TLE3: variants seen among roughly 807,000 people sequenced by gnomAD.
The protein encoded by TLE3 is transducin-like enhancer protein 3.
TLE3 carries 14 observed loss-of-function variants against 93.0 expected under a neutral mutation model. The ratio of observed to expected loss-of-function variants is 0.15; its 90% CI spans 0.10 to 0.24. TLE3 has a LOEUF of 0.24. Among genes scored for constraint, TLE3 ranks in the 10% least tolerant of loss-of-function variants. The pLI is 1.00. For synonymous variants in TLE3, 451 were observed against 425.0 expected (o/e 1.06, Z -0.75); for missense variants, 693 against 1,046.6 (o/e 0.66, Z 4.66).
intron 4 of TLE3, among the ~76,000 whole-genome samples, chr15:70,079,203 A>G (rs1191901269): frequency 2.0e-5 from 3 of 151,822 alleles, no homozygotes; most frequent in Non-Finnish European, 4.4e-5. Flanking sequence ...AACAAGCATC[A>G]ACTGAGGGCT....
chr15:70,051,528 T>C (rs2055541724), intron 18 of TLE3, 61 bp from the exon 19 acceptor site: 1 of 1,458,446 alleles, frequency 6.9e-7, no homozygotes, highest in Non-Finnish European at 9.4e-7. Flanking sequence ...AAGCAAGACC[T>C]GCCCTAGACA....
intron 16 of TLE3, chr15:70,054,170 A>G (rs1383793489): frequency 2.5e-6 from 1 of 396,658 alleles, no homozygotes; most frequent in Non-Finnish European, 4.5e-6. Context: ...TGCTTGCTCC[A>G]CTAATCTGAC....
chr15:70,054,291 T>C (rs2055825116), intron 16 of TLE3, 147 bp downstream of exon 16: 8 of 1,189,586 alleles, frequency 6.7e-6, no homozygotes, highest in Non-Finnish European at 9.3e-6. Context: ...GGCGGAGCTG[T>C]CTTTTCACCT....
At chr15:70,091,079 A>C (rs778134356) in intron 4 of TLE3, among the ~76,000 whole-genome samples, 3 of 152,270 alleles carry the variant, frequency 2.0e-5, no homozygotes, top group Non-Finnish European at 4.4e-5. Context: ...GACTGAGTAC[A>C]TAAGCTTCCC....
intron 18 of TLE3, 106 bp downstream of exon 18, chr15:70,052,268 G>A (rs1328636346): frequency 4.8e-6 from 7 of 1,445,280 alleles, no homozygotes; most frequent in Non-Finnish European, 6.5e-6. Context: ...TGGTTCCAGG[G>A]CCTAGCTTAT....
At chr15:70,082,955 C>A (rs935574981) in intron 4 of TLE3, among the ~76,000 whole-genome samples, 4 of 151,690 alleles carry the variant, frequency 2.6e-5, no homozygotes, top group African/African-American at 7.3e-5. Context: ...CAGGGGTCTA[C>A]AGTGTAAGGG....
chr15:70,062,215 A>G (rs1205374877), intron 8 of TLE3, among the ~76,000 whole-genome samples: 4 of 152,256 alleles, frequency 2.6e-5, no homozygotes, highest in Non-Finnish European at 5.9e-5. Flanking sequence ...ACAGCCGTGC[A>G]GGAGCGGTGG....
At chr15:70,069,861 C>T (rs549201811) in intron 6 of TLE3, among the ~76,000 whole-genome samples, 76 of 152,390 alleles carry the variant, frequency 5.0e-4, no homozygotes, top group Non-Finnish European at 8.7e-4. Flanking sequence ...TGCAGGCAGG[C>T]GGGCACAGCT....
At chr15:70,063,228 T>G (rs1000427374) in intron 8 of TLE3, among the ~76,000 whole-genome samples, 2 of 152,176 alleles carry the variant, frequency 1.3e-5, no homozygotes, top group African/African-American at 4.8e-5. Context: ...CTCATAAAGC[T>G]GGGACCAGAC....
intron 4 of TLE3, among the ~76,000 whole-genome samples, chr15:70,081,774 C>A (rs76194099): frequency 1.3e-5 from 2 of 152,082 alleles, no homozygotes; most frequent in Non-Finnish European, 2.9e-5. Flanking sequence ...GACCAGTTTG[C>A]GGATGTGTGT....
chr15:70,076,591 A>G (rs1419796133), intron 4 of TLE3, among the ~76,000 whole-genome samples: 4 of 152,308 alleles, frequency 2.6e-5, no homozygotes, highest in African/African-American at 9.6e-5. Flanking sequence ...GCTCTCAGAT[A>G]AATGGGACTA....
intron 8 of TLE3, among the ~76,000 whole-genome samples, chr15:70,061,941 G>A (rs2056504262): frequency 6.6e-6 from 1 of 152,206 alleles, no homozygotes; most frequent in Non-Finnish European, 1.5e-5. Flanking sequence ...GAAGGCAAGT[G>A]GAATGAGGCT....
In TLE3 at chr15:70,048,888, C is replaced by G. The variant is rs1297096338; in HGVS notation, c.*1209G>C. 6.6e-6 allele frequency: 1 copy of G among 152,082 alleles called. No homozygotes were observed. Among genetic ancestry groups the G allele is most frequent in the Non-Finnish European group, 1.5e-5 (1 of 68,042 alleles). The allele number at this position is 152,082 out of a possible 1,614,324, so 9.4% of individuals were successfully genotyped here. A position where few individuals can be genotyped will look rare whatever the true frequency, so the allele number is the denominator to read the frequency against. On this transcript the variant is annotated 3_prime_UTR_variant, in exon 20 of 20. Coordinates refer to ENST00000451782, the MANE Select transcript of TLE3 (RefSeq NM_001105192.3). ...GGGGATCCTCTTTTCAGACTCACAA[C>G]CCTGTAGGTTTATACACTTTCCCCC...
intron 19 of TLE3, chr15:70,050,719 G>A (rs2055442437): frequency 6.4e-6 from 1 of 156,478 alleles, no homozygotes; most frequent in Non-Finnish European, 1.4e-5. Flanking sequence ...AAAGCGGCAT[G>A]TTGGCTGAGG....
intron 19 of TLE3, 55 bp from the exon 20 acceptor site, chr15:70,050,259 A>G (rs1420729252): frequency 3.7e-6 from 5 of 1,364,132 alleles, no homozygotes; most frequent in Non-Finnish European, 5.2e-6. Context: ...CAGGGAGAAA[A>G]AAGACAGGAA....
Position 70,049,998 on chromosome 15 carries a change from C to CCCATCCTCCG in TLE3, c.*89_*98dup. On this transcript the variant is annotated 3_prime_UTR_variant, in exon 20 of 20. Transcript: ENST00000451782. ...GCCCTGAACGCTCGGCTGCCTGCGGCCCATCCTCCGCCATCCTCGGGGCCC... is the reference window on the plus strand; with the variant it reads ...GCCCTGAACGCTCGGCTGCCTGCGGCCCATCCTCCGCCATCCTCCGCCATCCTCGGGGCCC... 2 of 998,014 alleles carry CCCATCCTCCG rather than the reference C, an allele frequency of 2.0e-6. No homozygotes were observed. Among genetic ancestry groups the CCCATCCTCCG allele is most frequent in the Non-Finnish European group, 1.6e-6 (1 of 639,578 alleles). The allele number at this position is 998,014 out of a possible 1,614,324, so 61.8% of individuals were successfully genotyped here.
intron 4 of TLE3, among the ~76,000 whole-genome samples, chr15:70,077,801 C>A (rs1190450688): frequency 6.6e-6 from 1 of 152,228 alleles, no homozygotes; most frequent in African/African-American, 2.4e-5. Context: ...CCAGCCAGCA[C>A]CACTGTTGGC....
chr15:70,096,271 G>A lies in TLE3; in HGVS notation c.25-10C>T, dbSNP rs750938695. The A allele has an allele frequency of 1.9e-6, 3 of 1,551,272 alleles. No individual in the cohort carries two copies. Among genetic ancestry groups the A allele is most frequent in the Admixed American group, 2.0e-5 (1 of 51,118 alleles). On this transcript the variant is annotated splice_polypyrimidine_tract_variant and intron_variant, in intron 1 of 19. Coordinates refer to ENST00000451782, the MANE Select transcript of TLE3 (RefSeq NM_001105192.3). ...CGGGTTGATGGGGAGCCTGGAGCCC[G>A]CGAAGACAAGACAGGGGAGGGGGCG...
chr15:70,074,541 T>C lies in TLE3; in HGVS notation c.364A>G (p.Ile122Val). ...TTGGGGAGTCCACGTACCCCGATGA[T>C]GGCGTTCAGCTCCGTCATGGTGACC... ...KQVTMTELNA[I>V]IGQQQLQAQH... The change falls in exon 6 of 20, where the codon ATC (isoleucine) becomes GTC (valine). Residue 122 changes from isoleucine to valine, a missense_variant. Physicochemically the swap from Ile to Val is conservative, Grantham distance 29 (BLOSUM62 3). Coordinates refer to ENST00000451782, the MANE Select transcript of TLE3 (RefSeq NM_001105192.3). The C allele has an allele frequency of 5.6e-6, 9 of 1,612,512 alleles. No individual in the cohort carries two copies. The highest frequency in any genetic ancestry group is 7.6e-6 in the Non-Finnish European group (9 of 1,179,354).
Sources: allele counts gnomAD v4.1 joint callset (sites outside exome capture counted in the v4.1 genomes callset), GRCh38; gene constraint gnomAD v4.1.1; transcripts MANE v1.5; gene names NCBI Gene and HGNC (gene_info 2026-07-23, HGNC 2026-07-21).